Variants in MBD5 observed in about 807,000 individuals in gnomAD.
MBD5 encodes methyl-CpG binding domain protein 5, also known as methyl-CpG-binding domain protein 5.
A neutral mutation model predicts 117.3 loss-of-function variants in MBD5; 13 were observed. The ratio of observed to expected loss-of-function variants is 0.11; its 90% confidence interval spans 0.07 to 0.18. MBD5 has a LOEUF of 0.18. Among genes scored for constraint, MBD5 ranks in the 10% least tolerant of loss-of-function variants. The pLI, the probability that MBD5 is intolerant of heterozygous loss-of-function variation, is 1.00. For synonymous variants in MBD5, 727 were observed against 766.4 expected (o/e 0.95, Z 0.85); for missense variants, 1,879 against 2,093.8 (o/e 0.90, Z 2.00).
intron 3 of MBD5, among the ~76,000 whole-genome samples, chr2:148,294,437 G>C (rs1701586815): frequency 6.7e-6 from 1 of 149,548 alleles, no homozygotes; most frequent in South Asian, 2.1e-4. Context: ...TGTTAGCCAG[G>C]ATGGTCTTGA....
At position 148,382,296 on chromosome 2, in the gene MBD5, G is replaced by A. The variant is rs2105446296; in HGVS notation, c.-557+39960G>A. On this transcript the variant is annotated intron_variant, in intron 4 of 13. Coordinates refer to ENST00000642680, the MANE Select transcript of MBD5 (RefSeq NM_001378120.1). ...AAATGGAAATCAAAAAAAGGCAGGG[G>A]TTGCAATCCTAGTCTCGGATAAAAC... Among the ~76,000 whole-genome samples the A allele has an allele frequency of 1.3e-5, 2 of 152,164 alleles. 1 individual carries two copies. Among genetic ancestry groups the A allele is most frequent in the South Asian group, 4.2e-4 (2 of 4,806 alleles).
chr2:148,345,372 T>C (rs1401853429), intron 4 of MBD5, among the ~76,000 whole-genome samples: 2 of 140,356 alleles, frequency 1.4e-5, no homozygotes, highest in Non-Finnish European at 3.2e-5. Flanking sequence ...CATATACATA[T>C]ACACATATAC....
rs149770975 is a variant in MBD5 at position 148,447,299 on chromosome 2, T to C, written c.-556-10904T>C. 6.6e-5 allele frequency among the ~76,000 whole-genome samples: 10 copies of C among 151,860 alleles called. No individual in the cohort carries two copies. In the East Asian group the frequency reaches 1.7e-3, roughly 26 times the overall value. ...AAAGTAGAGGATTGAAATTGGATGG[T>C]TCTCTGTACCCTTTACCTACTCTAA... On this transcript the variant is annotated intron_variant, in intron 4 of 13. Coordinates refer to ENST00000642680, the MANE Select transcript of MBD5 (RefSeq NM_001378120.1).
intron 4 of MBD5, among the ~76,000 whole-genome samples, chr2:148,382,601 G>A (rs1252441282): frequency 6.6e-6 from 1 of 152,020 alleles, no homozygotes. Flanking sequence ...TGCACCAAGT[G>A]GACCTAATAG....
At chr2:148,378,947 A>G (rs1704060057) in intron 4 of MBD5, among the ~76,000 whole-genome samples, 2 of 152,046 alleles carry the variant, frequency 1.3e-5, no homozygotes, top group South Asian at 2.1e-4. Context: ...GGATTGAGAG[A>G]GATTTTTTAA....
intron 10 of MBD5, among the ~76,000 whole-genome samples, chr2:148,489,114 A>G (rs1395964382): frequency 1.3e-5 from 2 of 152,138 alleles, no homozygotes; most frequent in Non-Finnish European, 2.9e-5. Flanking sequence ...CAGCCACTTC[A>G]AGTTTAATTT....
chr2:148,130,352 G>A (rs1341272408), intron 1 of MBD5, among the ~76,000 whole-genome samples: 1 of 151,974 alleles, frequency 6.6e-6, no homozygotes, highest in African/African-American at 2.4e-5. Flanking sequence ...GATGCCCCTA[G>A]AGTATCATTC....
At chr2:148,095,835 G>A (rs535038849) in intron 1 of MBD5, among the ~76,000 whole-genome samples, 102 of 151,766 alleles carry the variant, frequency 6.7e-4, no homozygotes, top group Non-Finnish European at 1.0e-3. Flanking sequence ...AATGTTAATT[G>A]GGTTCTCTGA....
intron 1 of MBD5, among the ~76,000 whole-genome samples, chr2:148,151,110 C>T (rs927604525): frequency 1.3e-4 from 19 of 148,988 alleles, no homozygotes; most frequent in African/African-American, 2.7e-4. Flanking sequence ...TTTTGAAATA[C>T]GTCCCATCAA....
rs375158010 is a variant in MBD5 at position 148,489,513 on chromosome 2, C to T, written c.3881C>T (p.Pro1294Leu). 22 of 1,614,028 alleles carry T rather than the reference C, an allele frequency of 1.4e-5. No homozygotes were observed. In the Admixed American group the frequency reaches 1.8e-4, roughly 13 times the overall value. Reference protein sequence around the residue: ...PFQDTPCELQPRIDPSLGQQV... With the variant: ...PFQDTPCELQLRIDPSLGQQV... ...CAAGATACACCTTGTGAGTTGCAAC[C>T]GAGGATTGACCCATCTCTTGGTCAA... is the stretch of plus-strand genomic sequence containing the variant. Residue 1294 changes from proline (P) to leucine (L), a missense_variant, in exon 11 of 14, where the codon CCG (proline) becomes CTG (leucine). By Grantham distance (98) the Pro-to-Leu change is moderately conservative. This residue lies in a region of MBD5 where 1,666 missense variants were observed against 1,792.2 expected (regional missense o/e 0.93). Coordinates refer to ENST00000642680, the MANE Select transcript of MBD5 (RefSeq NM_001378120.1).
At chr2:148,510,192 A>G in intron 13 of MBD5, 57 bp downstream of exon 13, 1 of 1,332,440 alleles carries the variant, frequency 7.5e-7, no homozygotes, top group Non-Finnish European at 1.1e-6. Context: ...ATTGTGTTAC[A>G]CTTTTTGGTA....
At chr2:148,306,294 G>C (rs1024764151) in intron 3 of MBD5, among the ~76,000 whole-genome samples, 1 of 152,046 alleles carries the variant, frequency 6.6e-6, no homozygotes, top group Non-Finnish European at 1.5e-5. Flanking sequence ...ATCTTAAGAG[G>C]GCTTTGTAAG....
At chr2:148,502,657 C>G (rs1681909851) in intron 12 of MBD5, 148 bp downstream of exon 12, 1 of 754,762 alleles carries the variant, frequency 1.3e-6, no homozygotes, top group Non-Finnish European at 2.3e-6. Context: ...CCATTATAGA[C>G]AAGCCAAATT....
chr2:148,239,502 TA>T (rs1436630834), intron 3 of MBD5, among the ~76,000 whole-genome samples: 1 of 152,136 alleles, frequency 6.6e-6, no homozygotes. Flanking sequence ...TGAACTTAGG[TA>T]AGATTTCCTT....
intron 1 of MBD5, among the ~76,000 whole-genome samples, chr2:148,029,949 A>T (rs1265085684): frequency 6.6e-6 from 1 of 152,164 alleles, no homozygotes; most frequent in East Asian, 1.9e-4. Flanking sequence ...AAATACTACG[A>T]TGGAAATATT....
chr2:148,040,298 A>G (rs1694318246), intron 1 of MBD5, among the ~76,000 whole-genome samples: 1 of 152,188 alleles, frequency 6.6e-6, no homozygotes, highest in African/African-American at 2.4e-5. Context: ...TCAAGACTGC[A>G]GTGAGCCATG....
At chr2:148,511,741 A>G (rs923479795) in intron 13 of MBD5, among the ~76,000 whole-genome samples, 2 of 152,228 alleles carry the variant, frequency 1.3e-5, no homozygotes, top group African/African-American at 4.8e-5. Context: ...TTTACTACAG[A>G]ATAGTTGTTT....
At chr2:148,132,796 G>C (rs567227801) in intron 1 of MBD5, among the ~76,000 whole-genome samples, 3 of 152,190 alleles carry the variant, frequency 2.0e-5, no homozygotes, top group Admixed American at 2.0e-4. Context: ...TTTGGATTTT[G>C]CTGAAATATT....
chr2:148,204,427 T>C (rs768312055), intron 2 of MBD5, among the ~76,000 whole-genome samples: 1 of 152,152 alleles, frequency 6.6e-6, no homozygotes, highest in African/African-American at 2.4e-5. Context: ...GAATGAATTA[T>C]TTAAAGATAA....
Sources: allele counts gnomAD v4.1 joint callset (sites outside exome capture counted in the v4.1 genomes callset), GRCh38; gene constraint gnomAD v4.1.1; regional missense constraint gnomAD v4.1.1; transcripts MANE v1.5; gene names NCBI Gene and HGNC (gene_info 2026-07-23, HGNC 2026-07-21).